Variants in RPN2 observed in about 807,000 individuals in gnomAD.
The protein encoded by RPN2 is ribophorin II, also known as dolichyl-diphosphooligosaccharide--protein glycosyltransferase subunit 2.
Under a neutral mutation model 71.4 loss-of-function variants are expected in RPN2, and 29 were observed. The ratio of observed to expected loss-of-function variants is 0.41; its 90% CI spans 0.30 to 0.55. The LOEUF is 0.55. Ranked by LOEUF, RPN2 falls within the 20% of genes least tolerant of loss-of-function variation. The pLI is 0.35. For missense variants in RPN2, 726 were observed against 774.1 expected, an observed-to-expected ratio of 0.94 and a Z score of 0.74; for synonymous variants, 308 against 305.0, an observed-to-expected ratio of 1.01 and a Z score of -0.10.
chr20:37,218,131 G>A (rs1413002593), intron 9 of RPN2, among the ~76,000 whole-genome samples: 1 of 152,138 alleles, frequency 6.6e-6, no homozygotes, highest in Non-Finnish European at 1.5e-5. Context: ...TGTAATTCAG[G>A]CTGGGCATGA....
chr20:37,200,326 C>A, intron 4 of RPN2: 1 of 351,064 alleles, frequency 2.8e-6, no homozygotes, highest in Non-Finnish European at 5.8e-6. Context: ...GGAGATGGGG[C>A]CTGTCTGTGT....
chr20:37,190,065 C>T (rs2067109371), intron 2 of RPN2, among the ~76,000 whole-genome samples: 2 of 152,130 alleles, frequency 1.3e-5, no homozygotes, highest in Admixed American at 1.3e-4. Flanking sequence ...GATTTGAATG[C>T]AGGATGAAAA....
intron 2 of RPN2, among the ~76,000 whole-genome samples, chr20:37,192,626 A>T (rs2067167348): frequency 6.6e-6 from 1 of 152,238 alleles, no homozygotes; most frequent in Non-Finnish European, 1.5e-5. Flanking sequence ...ATAAAGAGGG[A>T]GAGGGCCCCT....
chr20:37,221,732 G>A (rs1391900646), intron 9 of RPN2, among the ~76,000 whole-genome samples: 4 of 152,172 alleles, frequency 2.6e-5, no homozygotes, highest in African/African-American at 7.2e-5. Context: ...TTTATAGCAT[G>A]GAGTATTATT....
chr20:37,212,900 C>T (rs903093797), intron 8 of RPN2, among the ~76,000 whole-genome samples: 1 of 152,042 alleles, frequency 6.6e-6, no homozygotes, highest in African/African-American at 2.4e-5. Flanking sequence ...AATTAAAAAG[C>T]AAAATCATTT....
chr20:37,217,962 C>G (rs2067858427), intron 9 of RPN2, among the ~76,000 whole-genome samples: 1 of 151,878 alleles, frequency 6.6e-6, no homozygotes, highest in African/African-American at 2.4e-5. Context: ...TCTCAAACTC[C>G]TGACCCTCAG....
chr20:37,215,462 T>C lies in RPN2; in HGVS notation c.1092+1597T>C, dbSNP rs73903424. ...TGATCCTTTCAAATCCACATTCTTA[T>C]AATGTTAGTTTCCTATGTTAAGAGG... On this transcript the variant is annotated intron_variant, in intron 9 of 16. Coordinates refer to ENST00000237530, the MANE Select transcript of RPN2 (RefSeq NM_002951.5). Among the ~76,000 whole-genome samples, 1,024 of 152,358 alleles carry C rather than the reference T, an allele frequency of 6.7e-3. 9 individuals carry two copies. The highest frequency in any genetic ancestry group is 0.023 in the African/African-American group (958 of 41,572).
intron 16 of RPN2, chr20:37,238,790 G>C (rs756435122): frequency 5.3e-6 from 3 of 571,344 alleles, no homozygotes; most frequent in Admixed American, 3.8e-5. Context: ...GCTGAGATGA[G>C]GATAAGACAA....
chr20:37,200,842 G>T (rs1193365312), intron 4 of RPN2, among the ~76,000 whole-genome samples: 6 of 152,070 alleles, frequency 3.9e-5, no homozygotes, highest in Non-Finnish European at 8.8e-5. Flanking sequence ...GCCACTGTTA[G>T]TGCCTGTGCC....
At chr20:37,208,494 A>G (rs1600789449) in intron 7 of RPN2, among the ~76,000 whole-genome samples, 1 of 152,094 alleles carries the variant, frequency 6.6e-6, no homozygotes, top group African/African-American at 2.4e-5. Context: ...ACTGCAGCGT[A>G]GGCTTCCTCC....
chr20:37,218,891 TG>T (rs2067884364), intron 9 of RPN2, among the ~76,000 whole-genome samples: 1 of 152,248 alleles, frequency 6.6e-6, no homozygotes, highest in South Asian at 2.1e-4. Context: ...TTCCATTGTA[TG>T]GATATATCAC....
intron 8 of RPN2, among the ~76,000 whole-genome samples, chr20:37,212,247 C>T (rs1568982426): frequency 1.3e-5 from 2 of 151,920 alleles, no homozygotes; most frequent in East Asian, 3.9e-4. Flanking sequence ...CCATATCACT[C>T]CAGCCTGGGT....
At chr20:37,228,963 G>C (rs926185777) in intron 12 of RPN2, among the ~76,000 whole-genome samples, 1 of 66,318 alleles carries the variant, frequency 1.5e-5, no homozygotes, top group African/African-American at 8.7e-5. Flanking sequence ...TTAAGTGAGT[G>C]AAGGAAGTAT....
At chr20:37,219,342 T>G (rs2067897514) in intron 9 of RPN2, among the ~76,000 whole-genome samples, 1 of 152,214 alleles carries the variant, frequency 6.6e-6, no homozygotes, top group Admixed American at 6.5e-5. Context: ...TCTATTCAAA[T>G]CCATTGTCCA....
At chr20:37,207,541 G>A in intron 7 of RPN2, 92 bp downstream of exon 7, 1 of 1,210,184 alleles carries the variant, frequency 8.3e-7, no homozygotes, top group Non-Finnish European at 1.2e-6. Flanking sequence ...GCCAATTACA[G>A]CCCCTACAAG....
intron 10 of RPN2, 68 bp from the exon 11 acceptor site, chr20:37,225,620 A>G (rs1349397524): frequency 7.0e-6 from 7 of 1,004,302 alleles, no homozygotes; most frequent in Admixed American, 3.5e-5. Flanking sequence ...AGTGAAGTAT[A>G]TATTTTCTGC....
chr20:37,188,492 CT>C (rs1222473135), intron 2 of RPN2, among the ~76,000 whole-genome samples: 2 of 152,022 alleles, frequency 1.3e-5, no homozygotes, highest in Non-Finnish European at 2.9e-5. Context: ...GGATCCCAGC[CT>C]TTGCTGTCTG....
At chr20:37,201,367 C>T (rs2067386936) in intron 4 of RPN2, among the ~76,000 whole-genome samples, 2 of 150,008 alleles carry the variant, frequency 1.3e-5, no homozygotes, top group Non-Finnish European at 3.0e-5. Context: ...TCACTACAAC[C>T]TCAAACTCTT....
chr20:37,195,274 T>C (rs1285975867), intron 2 of RPN2, among the ~76,000 whole-genome samples: 3 of 152,198 alleles, frequency 2.0e-5, no homozygotes, highest in Non-Finnish European at 4.4e-5. Flanking sequence ...TCTGCTGCTG[T>C]GTAAACTCCG....
Sources: allele counts gnomAD v4.1 joint callset (sites outside exome capture counted in the v4.1 genomes callset), GRCh38; gene constraint gnomAD v4.1.1; transcripts MANE v1.5; gene names NCBI Gene and HGNC (gene_info 2026-07-23, HGNC 2026-07-21).